PRRC2C: variants seen among roughly 807,000 people sequenced by gnomAD.
The protein encoded by PRRC2C is protein PRRC2C.
In PRRC2C, 72 loss-of-function variants were observed where a neutral mutation model predicts 317.2. The ratio of observed to expected loss-of-function variants is 0.23; its 90% CI spans 0.19 to 0.28. PRRC2C has a LOEUF of 0.28. PRRC2C is among the 10% of genes least tolerant of loss of function. The pLI is 1.00. For missense variants in PRRC2C, 3,074 were observed against 3,459.7 expected (o/e 0.89, Z 2.80); for synonymous variants, 1,296 against 1,205.9 (o/e 1.07, Z -1.55).
chr1:171,525,451 G>A (rs1462233769), intron 10 of PRRC2C, among the ~76,000 whole-genome samples: 1 of 152,186 alleles, frequency 6.6e-6, no homozygotes, highest in African/African-American at 2.4e-5. Flanking sequence ...TTCTGAGATG[G>A]TAAATGGTTG....
Position 171,522,192 on chromosome 1 carries a change from C to T in PRRC2C, c.766C>T (p.Pro256Ser). ...MMPPYMFQQYPRMTYPPLHGP... is the reference protein window; with the variant it reads ...MMPPYMFQQYSRMTYPPLHGP... ...CTTCATTCAGATGTTCCAACAGTAT[C>T]CGAGGATGACATATCCTCCTCTACA... Residue 256 changes from proline to serine, a missense_variant, in exon 7 of 35, where the codon CCG (proline) becomes TCG (serine). This residue lies in a region of PRRC2C where 237 missense variants were observed against 199.5 expected (regional missense o/e 1.19). Coordinates refer to ENST00000647382, the MANE Select transcript of PRRC2C (RefSeq NM_001387844.1). The T allele has an allele frequency of 6.3e-7, 1 of 1,584,030 alleles. No homozygotes were observed. The highest frequency in any genetic ancestry group is 8.6e-7 in the Non-Finnish European group (1 of 1,158,286).
At chr1:171,573,829 C>T (rs897913258) in intron 24 of PRRC2C, among the ~76,000 whole-genome samples, 2 of 151,722 alleles carry the variant, frequency 1.3e-5, no homozygotes, top group African/African-American at 2.4e-5. Flanking sequence ...CAGGCGCACA[C>T]CACGCCCGGC....
rs1672660724 is a variant in PRRC2C at position 171,517,846 on chromosome 1, CA to C, written c.750+34del. On this transcript the variant is annotated intron_variant, in intron 6 of 34. Coordinates refer to ENST00000647382, the MANE Select transcript of PRRC2C (RefSeq NM_001387844.1). ...ATTGTTAAATGAACAAGCATTCAAACAAGTGGTTTTTGATCTGGGGTCCAAG... is the reference window on the plus strand; with the variant it reads ...ATTGTTAAATGAACAAGCATTCAAACAGTGGTTTTTGATCTGGGGTCCAAG... 21 of 1,581,270 alleles carry C rather than the reference CA, an allele frequency of 1.3e-5. 1 individual carries two copies. The highest frequency in any genetic ancestry group is 1.8e-5 in the Non-Finnish European group (21 of 1,157,576).
chr1:171,556,802 C>A (rs1287434731), intron 18 of PRRC2C, among the ~76,000 whole-genome samples: 1 of 152,132 alleles, frequency 6.6e-6, no homozygotes, highest in Non-Finnish European at 1.5e-5. Flanking sequence ...TTGCCTATAA[C>A]CTTTGGAACC....
At chr1:171,584,793 T>G (rs963873941) in intron 30 of PRRC2C, among the ~76,000 whole-genome samples, 7 of 152,108 alleles carry the variant, frequency 4.6e-5, no homozygotes, top group African/African-American at 1.2e-4. Flanking sequence ...TAGGGGGTTT[T>G]GTTTTGTTTT....
intron 11 of PRRC2C, among the ~76,000 whole-genome samples, chr1:171,528,137 T>C (rs990235922): frequency 6.6e-6 from 1 of 152,148 alleles, no homozygotes; most frequent in African/African-American, 2.4e-5. Flanking sequence ...CTTTTTTACT[T>C]GGTTCCTTGT....
intron 10 of PRRC2C, 49 bp from the exon 11 acceptor site, chr1:171,527,742 C>A: frequency 1.3e-6 from 2 of 1,487,912 alleles, no homozygotes; most frequent in Non-Finnish European, 1.8e-6. Context: ...GGCAACAGAG[C>A]AAGACTGTCT....
In PRRC2C at chr1:171,498,539, CAT is replaced by C. The variant is rs1289398693; in HGVS notation, c.-58+12806_-58+12807del. Among the ~76,000 whole-genome samples the C allele has an allele frequency of 2.6e-5, 4 of 152,186 alleles. No individual in the cohort carries two copies. The East Asian group carries it at 5.8e-4, about 22-fold the overall frequency. On this transcript the variant is annotated intron_variant, in intron 1 of 34. Coordinates refer to ENST00000647382, the MANE Select transcript of PRRC2C (RefSeq NM_001387844.1). ...GTTTCAGCATGAAATTTGGAAGAAA[CAT>C]AGGCATTCAAACCATTTTCTTTCAC...
In PRRC2C at chr1:171,540,370, A is replaced by G. The variant is rs763942372; in HGVS notation, c.2904A>G (p.Lys968=). ...AACCAATAGAAAGGCCAGAGGAGAA[A>G]CCAAAAAAGGAAGGCTTTATACGAT... ...SKEPIERPEE[K]PKKEGFIRSS... is the part of the protein sequence containing the mutation. Residue 968 remains lysine (K), a synonymous_variant, in exon 16 of 35, where the codon AAA becomes AAG. Coordinates refer to ENST00000647382, the MANE Select transcript of PRRC2C (RefSeq NM_001387844.1). 15 of 1,612,070 alleles carry G rather than the reference A, an allele frequency of 9.3e-6. No homozygotes were observed. The highest frequency in any genetic ancestry group is 1.3e-5 in the Non-Finnish European group (15 of 1,179,414).
chr1:171,545,385 C>A, intron 16 of PRRC2C, 94 bp from the exon 17 acceptor site: 1 of 1,041,884 alleles, frequency 9.6e-7, no homozygotes, highest in Non-Finnish European at 1.4e-6. Flanking sequence ...AACAGTGTTT[C>A]ATCTTAGAAT....
chr1:171,504,905 T>C (rs1669888149), intron 1 of PRRC2C, among the ~76,000 whole-genome samples: 1 of 149,142 alleles, frequency 6.7e-6, no homozygotes, highest in African/African-American at 2.6e-5. Context: ...TTGGGTCTTG[T>C]GATCCATGAA....
At chr1:171,539,520 A>G (rs1485750090) in intron 15 of PRRC2C, among the ~76,000 whole-genome samples, 1 of 151,904 alleles carries the variant, frequency 6.6e-6, no homozygotes, top group Non-Finnish European at 1.5e-5. Context: ...TATATTTCCT[A>G]TATTATACCT....
In PRRC2C at chr1:171,579,835, C is replaced by T; in HGVS notation, c.7280C>T (p.Ser2427Leu). 3 of 1,556,762 alleles carry T rather than the reference C, an allele frequency of 1.9e-6. No homozygotes were observed. The highest frequency in any genetic ancestry group is 2.6e-6 in the Non-Finnish European group (3 of 1,154,436). Residue 2427 changes from serine (S) to leucine (L), a missense_variant, in exon 28 of 35, where the codon TCA (serine) becomes TTA (leucine). Ser to Leu is a moderately radical substitution (Grantham distance 145). Transcript: ENST00000647382. ...TTTCTCAATGCATTGCAGCCAACTTCAGTTCAGCAGATTCCAATCCCTATT... is the reference window on the plus strand; with the variant it reads ...TTTCTCAATGCATTGCAGCCAACTTTAGTTCAGCAGATTCCAATCCCTATT... ...GFQPGLSQPT[S>L]VQQIPIPIYA...
chr1:171,518,023 A>T (rs1178029880), intron 6 of PRRC2C, among the ~76,000 whole-genome samples: 1 of 152,226 alleles, frequency 6.6e-6, no homozygotes. Flanking sequence ...GCTATCCGGG[A>T]AACGTTACCA....
At position 171,545,585 on chromosome 1, in the gene PRRC2C, A is replaced by G; in HGVS notation, c.4870A>G (p.Lys1624Glu). ...TAATGGTACAGGACAAAAGAACTCCAAAGATTCTACTGGGAAAAAAAGAGA... is the reference window on the plus strand; with the variant it reads ...TAATGGTACAGGACAAAAGAACTCCGAAGATTCTACTGGGAAAAAAAGAGA... Reference protein sequence around the residue: ...VPNGTGQKNSKDSTGKKREDP... With the variant: ...VPNGTGQKNSEDSTGKKREDP... The change falls in exon 17 of 35, where the codon AAA becomes GAA. Residue 1624 changes from lysine to glutamate, a missense_variant. This residue lies in a region of PRRC2C where 178 missense variants were observed against 163.0 expected (regional missense o/e 1.09). Transcript: ENST00000647382. The G allele has an allele frequency of 6.2e-7, 1 of 1,610,740 alleles. No homozygotes were observed. Among genetic ancestry groups the G allele is most frequent in the Non-Finnish European group, 8.5e-7 (1 of 1,178,406 alleles).
chr1:171,541,432 G>C lies in PRRC2C; in HGVS notation c.3966G>C (p.Lys1322Asn). ...GAATAGATAATAGACTGCTAGAAAA[G>C]CCTTATGTAAGGGATGACGATAAAG... ...HVRIDNRLLEKPYVRDDDKAK... is the reference protein window; with the variant it reads ...HVRIDNRLLENPYVRDDDKAK... The change falls in exon 16 of 35, where the codon AAG becomes AAC. Residue 1322 changes from lysine (K) to asparagine (N), a missense_variant. This residue lies in a region of PRRC2C where 1,320 missense variants were observed against 1,395.7 expected (regional missense o/e 0.95). Coordinates refer to ENST00000647382, the MANE Select transcript of PRRC2C (RefSeq NM_001387844.1). This position sits in a 1 kb window ranked among gnomAD's most constrained non-coding sequence, Gnocchi z 4.1. 6.2e-7 allele frequency: 1 copy of C among 1,613,912 alleles called. No homozygotes were observed. Among genetic ancestry groups the C allele is most frequent in the Non-Finnish European group, 8.5e-7 (1 of 1,179,860 alleles).
chr1:171,529,806 T>A (rs1190806812), intron 11 of PRRC2C, among the ~76,000 whole-genome samples: 1 of 152,216 alleles, frequency 6.6e-6, no homozygotes, highest in Non-Finnish European at 1.5e-5. Context: ...CATCTGCTGT[T>A]CTTACCACAT....
chr1:171,518,319 T>C (rs1672767581), intron 6 of PRRC2C, among the ~76,000 whole-genome samples: 1 of 152,172 alleles, frequency 6.6e-6, no homozygotes, highest in Non-Finnish European at 1.5e-5. Flanking sequence ...TTTTTGTATT[T>C]TACATTATGC....
intron 1 of PRRC2C, among the ~76,000 whole-genome samples, chr1:171,509,107 G>A (rs575580176): frequency 1.3e-5 from 2 of 151,968 alleles, no homozygotes; most frequent in Non-Finnish European, 1.5e-5. Context: ...GGATGGTCTC[G>A]ATCTCCTGAC....
Sources: allele counts gnomAD v4.1 joint callset (sites outside exome capture counted in the v4.1 genomes callset), GRCh38; gene constraint gnomAD v4.1.1; regional missense constraint gnomAD v4.1.1; non-coding constraint Gnocchi (gnomAD v3.1); transcripts MANE v1.5; gene names NCBI Gene and HGNC (gene_info 2026-07-23, HGNC 2026-07-21).